HIVEP3: variants seen among roughly 807,000 people sequenced by gnomAD.
HIVEP3 encodes the protein HIVEP zinc finger 3.
In HIVEP3, 49 loss-of-function variants were observed where a neutral mutation model predicts 152.8. The ratio of observed to expected loss-of-function variants is 0.32; its 90% confidence interval spans 0.26 to 0.41. The LOEUF (loss-of-function observed/expected upper bound fraction) is 0.41. Among genes scored for constraint, HIVEP3 ranks in the 10% least tolerant of loss-of-function variants. The probability of loss-of-function intolerance (pLI) is 1.00; values close to 1 mark genes in which losing one functional copy is unlikely to be tolerated. For missense variants in HIVEP3, 2,790 were observed against 3,103.3 expected, an observed-to-expected ratio of 0.90 and a Z score of 2.40; for synonymous variants, 1,269 against 1,289.0, an observed-to-expected ratio of 0.98 and a Z score of 0.33.
intron 3 of HIVEP3, among the ~76,000 whole-genome samples, chr1:41,609,363 G>T (rs984273973): frequency 5.3e-5 from 8 of 152,250 alleles, no homozygotes; most frequent in African/African-American, 1.9e-4. Context: ...AGCCCTGTTT[G>T]CCTGGGCAGC....
Position 41,518,441 on chromosome 1 carries a change from G to C in HIVEP3, c.5431C>G (p.Gln1811Glu). 1.2e-6 allele frequency: 2 copies of C among 1,614,200 alleles called. No individual in the cohort carries two copies. Among genetic ancestry groups the C allele is most frequent in the Non-Finnish European group, 8.5e-7 (1 of 1,180,016 alleles). Reference protein sequence around the residue: ...MKSKAHSKKCQETGVLEELEA... With the variant: ...MKSKAHSKKCEETGVLEELEA... Reference sequence around the variant, plus strand: ...AGCTCCTCCAGCACCCCTGTCTCTTGGCACTTTTTGCTGTGGGCCTTCGAC... The same window carrying C: ...AGCTCCTCCAGCACCCCTGTCTCTTCGCACTTTTTGCTGTGGGCCTTCGAC... The change falls in exon 7 of 9, where the codon CAA becomes GAA. Residue 1811 changes from glutamine to glutamate, a missense_variant. Coordinates refer to ENST00000372583, the MANE Select transcript of HIVEP3 (RefSeq NM_024503.5).
At chr1:41,766,622 G>T (rs1202009633) in intron 1 of HIVEP3, among the ~76,000 whole-genome samples, 1 of 152,216 alleles carries the variant, frequency 6.6e-6, no homozygotes, top group Non-Finnish European at 1.5e-5. Context: ...GCTAATCAAT[G>T]GTGTAGGCAG....
chr1:41,699,801 T>C (rs75277746), intron 2 of HIVEP3, among the ~76,000 whole-genome samples: 2,208 of 152,050 alleles, frequency 0.015, 58 homozygotes, highest in African/African-American at 0.051. Context: ...TCCCCACCAC[T>C]TTCCTCCCCA....
chr1:41,510,372 T>G lies in HIVEP3; in HGVS notation c.*79A>C. On this transcript the variant is annotated 3_prime_UTR_variant, in exon 9 of 9. Transcript: ENST00000372583. ...GGAGGGACAGATGGGGCTGAGGAAGTGGGATGATTCGAGGAAAGTGGCTGG... is the reference window on the plus strand; with the variant it reads ...GGAGGGACAGATGGGGCTGAGGAAGGGGGATGATTCGAGGAAAGTGGCTGG... 1 of 1,252,598 alleles carries G rather than the reference T, an allele frequency of 8.0e-7. No homozygotes were observed. Among genetic ancestry groups the G allele is most frequent in the Non-Finnish European group, 1.1e-6 (1 of 950,480 alleles). 77.6% of individuals were successfully genotyped at this position (1,252,598 alleles called of 1,614,324 possible). A position where few individuals can be genotyped will look rare whatever the true frequency, so the allele number is the denominator to read the frequency against.
At chr1:41,902,605 G>A (rs1380319472) in intron 1 of HIVEP3, among the ~76,000 whole-genome samples, 4 of 152,218 alleles carry the variant, frequency 2.6e-5, no homozygotes, top group East Asian at 1.9e-4. Context: ...TGAAGAAGGC[G>A]ATGGGGCAAA....
chr1:41,968,286 G>T (rs1645210729), intron 1 of HIVEP3, among the ~76,000 whole-genome samples: 1 of 150,822 alleles, frequency 6.6e-6, no homozygotes, highest in Non-Finnish European at 1.5e-5. Context: ...TATCCCTGAT[G>T]AACATCGATG....
Position 41,918,894 on chromosome 1 carries a change from G to C in HIVEP3, c.-1282C>G, listed in dbSNP as rs1195273913. On this transcript the variant is annotated 5_prime_UTR_variant, in exon 1 of 9. Coordinates refer to ENST00000372583, the MANE Select transcript of HIVEP3 (RefSeq NM_024503.5). The surrounding 1 kb of genome is among the most constrained non-coding windows in gnomAD (Gnocchi z 4.3). ...TGAATCCAGAGCCAACCCATGCCTC[G>C]CTTGTCTTTTCCACTAGGAGTCCAG... Among the ~76,000 whole-genome samples the C allele has an allele frequency of 6.6e-6, 1 of 152,094 alleles. No individual in the cohort carries two copies. Among genetic ancestry groups the C allele is most frequent in the Admixed American group, 6.5e-5 (1 of 15,282 alleles).
In HIVEP3 at chr1:41,711,599, T is replaced by C. The variant is rs183711774; in HGVS notation, c.-800-10604A>G. On this transcript the variant is annotated intron_variant, in intron 1 of 8. Coordinates refer to ENST00000372583, the MANE Select transcript of HIVEP3 (RefSeq NM_024503.5). ...TGGGGTTGATAACACCGATCCTGCA[T>C]AGCCTTTGTGAAGACATATGAAAAG... Among the ~76,000 whole-genome samples, 29 of 152,358 alleles carry C rather than the reference T, an allele frequency of 1.9e-4. No homozygotes were observed. The East Asian group carries it at 5.2e-3, about 27-fold the overall frequency.
intron 1 of HIVEP3, among the ~76,000 whole-genome samples, chr1:41,898,346 G>A (rs1480019823): frequency 6.6e-6 from 1 of 152,200 alleles, no homozygotes; most frequent in Non-Finnish European, 1.5e-5. Context: ...GGAGGGGGCA[G>A]GAAGTGATCT....
At chr1:41,981,819 A>G (rs995005183) in intron 1 of HIVEP3, among the ~76,000 whole-genome samples, 2 of 152,220 alleles carry the variant, frequency 1.3e-5, no homozygotes, top group African/African-American at 4.8e-5. Context: ...GTGAAAGACA[A>G]TATTCCAGTC....
At chr1:41,775,525 C>G (rs931235468) in intron 1 of HIVEP3, among the ~76,000 whole-genome samples, 15 of 151,980 alleles carry the variant, frequency 9.9e-5, no homozygotes, top group African/African-American at 2.9e-4. Flanking sequence ...GAGTCTTACT[C>G]TGTCGCCCAG....
chr1:41,509,882 G>C lies in HIVEP3; in HGVS notation c.*569C>G, dbSNP rs140490301. ...AGTTTTTCTGGGCCTGCCTGCTGGG[G>C]CCTGGGTGGGGGTCACCTGCCTGTG... On this transcript the variant is annotated 3_prime_UTR_variant, in exon 9 of 9. Transcript: ENST00000372583. 2 of 151,836 alleles carry C rather than the reference G, an allele frequency of 1.3e-5. No individual in the cohort carries two copies. The highest frequency in any genetic ancestry group is 6.6e-5 in the Admixed American group (1 of 15,242). 9.4% of individuals were successfully genotyped at this position (151,836 alleles called of 1,614,324 possible).
At chr1:41,857,640 CA>C (rs1490762439) in intron 1 of HIVEP3, among the ~76,000 whole-genome samples, 1 of 152,098 alleles carries the variant, frequency 6.6e-6, no homozygotes, top group Non-Finnish European at 1.5e-5. Context: ...CCACACCAAG[CA>C]ATTTTGTTTC....
At chr1:41,512,162 G>T (rs1184693595) in intron 8 of HIVEP3, among the ~76,000 whole-genome samples, 1 of 152,046 alleles carries the variant, frequency 6.6e-6, no homozygotes, top group Non-Finnish European at 1.5e-5. Context: ...ATATCGTTTG[G>T]ATATTTGTCC....
chr1:41,669,081 C>G (rs952865379), intron 2 of HIVEP3, among the ~76,000 whole-genome samples: 3 of 152,280 alleles, frequency 2.0e-5, no homozygotes, highest in Admixed American at 1.3e-4. Context: ...AAAACAAGCC[C>G]TCTGAGAGCT....
chr1:41,849,730 G>A (rs924324415), intron 1 of HIVEP3, among the ~76,000 whole-genome samples: 5 of 147,712 alleles, frequency 3.4e-5, no homozygotes, highest in South Asian at 2.1e-4. Context: ...TTGCCCTGTC[G>A]CCCAGGCTGG....
At chr1:41,962,635 G>A (rs1645175247) in intron 1 of HIVEP3, among the ~76,000 whole-genome samples, 2 of 152,192 alleles carry the variant, frequency 1.3e-5, no homozygotes, top group African/African-American at 4.8e-5. Flanking sequence ...GAATGGCTTT[G>A]GGGATACTGA....
rs1482279315 is a variant in HIVEP3 at position 41,992,681 on chromosome 1, G to A, written n.119+43126C>T. Among the ~76,000 whole-genome samples, 30 of 115,098 alleles carry A rather than the reference G, an allele frequency of 2.6e-4. 1 individual carries two copies. Among genetic ancestry groups the A allele is most frequent in the East Asian group, 7.2e-4 (3 of 4,186 alleles). 75.5% of individuals were successfully genotyped at this position (115,098 alleles called of 152,430 possible). On this transcript the variant is annotated intron_variant and non_coding_transcript_variant, in intron 1 of 3. Transcript: ENST00000489103. ...TTCATATGGAACCAAAAAAGAGCCCGCATCGCCAAGTCAATCCTAAGCCAA... is the reference window on the plus strand; with the variant it reads ...TTCATATGGAACCAAAAAAGAGCCCACATCGCCAAGTCAATCCTAAGCCAA...
chr1:41,668,191 C>A (rs887653749), intron 2 of HIVEP3, among the ~76,000 whole-genome samples: 3 of 152,220 alleles, frequency 2.0e-5, no homozygotes, highest in African/African-American at 7.2e-5. Context: ...CGAGGCAAGA[C>A]AAATGAGGCC....
Sources: allele counts gnomAD v4.1 joint callset (sites outside exome capture counted in the v4.1 genomes callset), GRCh38; gene constraint gnomAD v4.1.1; non-coding constraint Gnocchi (gnomAD v3.1); transcripts MANE v1.5; gene names NCBI Gene and HGNC (gene_info 2026-07-23, HGNC 2026-07-21).